TUNAR: variants seen among roughly 807,000 people sequenced by gnomAD.
The protein encoded by TUNAR is protein TUNAR.
chr14:95,881,935 C>T (rs944045852), intron 2 of TUNAR, among the ~76,000 whole-genome samples: 3 of 152,246 alleles, frequency 2.0e-5, no homozygotes, highest in Admixed American at 6.5e-5. Flanking sequence ...CTGTCTCTGA[C>T]GCTGGCCTTG....
At chr14:95,888,722 G>A (rs1159900540) in intron 2 of TUNAR, among the ~76,000 whole-genome samples, 2 of 152,286 alleles carry the variant, frequency 1.3e-5, no homozygotes, top group South Asian at 4.2e-4. Flanking sequence ...ATCCTCTTTG[G>A]TGATCGAGCC....
chr14:95,883,078 TTGCAGTGTTC>T lies in TUNAR; in HGVS notation c.12+5902_12+5911del, dbSNP rs546038517. ...TACTTCTAAAACAGTACGTCCAGTT[TTGCAGTGTTC>T]AAGTCTAAAGGTAGACGTGAAAACC... On this transcript the variant is annotated intron_variant, in intron 2 of 2. Transcript: ENST00000678517. Among the ~76,000 whole-genome samples the T allele has an allele frequency of 1.1e-3, 168 of 152,368 alleles. 1 individual carries two copies. The highest frequency in any genetic ancestry group is 1.7e-3 in the Non-Finnish European group (115 of 68,032).
intron 2 of TUNAR, among the ~76,000 whole-genome samples, chr14:95,919,519 G>C (rs909731152): frequency 6.6e-6 from 1 of 151,636 alleles, no homozygotes; most frequent in African/African-American, 2.4e-5. Context: ...GACCAGCCTA[G>C]CAACATAGTG....
At chr14:95,877,976 C>T (rs1888918212) in intron 2 of TUNAR, among the ~76,000 whole-genome samples, 1 of 152,232 alleles carries the variant, frequency 6.6e-6, no homozygotes, top group Non-Finnish European at 1.5e-5. Context: ...CCTGTGTGCC[C>T]AGCACATGCT....
intron 2 of TUNAR, among the ~76,000 whole-genome samples, chr14:95,887,523 A>C (rs920951708): frequency 2.0e-5 from 3 of 152,244 alleles, no homozygotes; most frequent in Non-Finnish European, 4.4e-5. Context: ...ATCTGTAAGT[A>C]CAGTTCCTGC....
chr14:95,883,104 C>T (rs764920823), intron 2 of TUNAR, among the ~76,000 whole-genome samples: 6 of 152,284 alleles, frequency 3.9e-5, no homozygotes, highest in South Asian at 2.1e-4. Flanking sequence ...TAAAGGTAGA[C>T]GTGAAAACCA....
chr14:95,923,715 G>A (rs775665689), exon 3 of TUNAR: 7 of 152,062 alleles, frequency 4.6e-5, no homozygotes, highest in Non-Finnish European at 8.8e-5. Flanking sequence ...TTTACCTTGC[G>A]CTTTTGTTCT....
intron 2 of TUNAR, among the ~76,000 whole-genome samples, chr14:95,912,767 C>T (rs1335392395): frequency 1.3e-5 from 2 of 152,148 alleles, no homozygotes; most frequent in Non-Finnish European, 2.9e-5. Context: ...CCCCTTATCA[C>T]ATCGTGGGCA....
At chr14:95,886,093 C>T (rs1035048707) in intron 2 of TUNAR, among the ~76,000 whole-genome samples, 32 of 152,178 alleles carry the variant, frequency 2.1e-4, no homozygotes, top group African/African-American at 1.4e-4. Flanking sequence ...CCTGATTCAC[C>T]GAGCCATGGG....
At chr14:95,916,527 G>A (rs900189962) in intron 2 of TUNAR, among the ~76,000 whole-genome samples, 1 of 152,200 alleles carries the variant, frequency 6.6e-6, no homozygotes, top group Non-Finnish European at 1.5e-5. Flanking sequence ...GGCCACCGCT[G>A]ATGGCCATTG....
chr14:95,908,539 T>C (rs1273216550), intron 2 of TUNAR, among the ~76,000 whole-genome samples: 1 of 152,248 alleles, frequency 6.6e-6, no homozygotes, highest in East Asian at 1.9e-4. Context: ...TTTTGTCCTC[T>C]AACAACATCA....
intron 2 of TUNAR, among the ~76,000 whole-genome samples, chr14:95,897,324 C>G (rs1401395296): frequency 2.0e-5 from 3 of 152,212 alleles, no homozygotes. Flanking sequence ...TCAGTTTCAT[C>G]TGTGCTTGTT....
At chr14:95,901,428 C>T (rs2139662757) in intron 2 of TUNAR, among the ~76,000 whole-genome samples, 1 of 152,326 alleles carries the variant, frequency 6.6e-6, no homozygotes, top group South Asian at 2.1e-4. Flanking sequence ...TTGTGAGCCT[C>T]TCCTGGGTGC....
rs1380150570 is a variant in TUNAR at position 95,895,006 on chromosome 14, G to A, written c.12+17829G>A. Among the ~76,000 whole-genome samples the A allele has an allele frequency of 6.6e-6, 1 of 152,222 alleles. No homozygotes were observed. The highest frequency in any genetic ancestry group is 2.4e-5 in the African/African-American group (1 of 41,458). On this transcript the variant is annotated intron_variant, in intron 2 of 2. Transcript: ENST00000678517. This position sits in a 1 kb window ranked among gnomAD's most constrained non-coding sequence, Gnocchi z 4.5. Reference sequence around the variant, plus strand: ...GGCACCACCTCTCTCCTGACGATAGGTTGGAGCTGAGGGCACAGAAATGGC... The same window carrying A: ...GGCACCACCTCTCTCCTGACGATAGATTGGAGCTGAGGGCACAGAAATGGC...
chr14:95,894,983 C>A (rs1485179432), intron 2 of TUNAR, among the ~76,000 whole-genome samples: 3 of 152,216 alleles, frequency 2.0e-5, no homozygotes, highest in Non-Finnish European at 4.4e-5. Context: ...TCCTGCTGGG[C>A]ACCACCTCTC....
intron 2 of TUNAR, among the ~76,000 whole-genome samples, chr14:95,892,976 G>A (rs535103320): frequency 6.6e-6 from 1 of 152,212 alleles, no homozygotes; most frequent in Non-Finnish European, 1.5e-5. Context: ...AAAGGTGGTA[G>A]ATTTGGGCAA....
At chr14:95,890,790 A>T (rs562713375) in intron 2 of TUNAR, among the ~76,000 whole-genome samples, 3 of 152,352 alleles carry the variant, frequency 2.0e-5, no homozygotes, top group Admixed American at 2.0e-4. Context: ...TAGAATCGTG[A>T]AAGTATTTTA....
At chr14:95,899,328 C>G (rs1288065947) in intron 2 of TUNAR, among the ~76,000 whole-genome samples, 1 of 152,092 alleles carries the variant, frequency 6.6e-6, no homozygotes, top group Admixed American at 6.6e-5. Flanking sequence ...ATCCCACAGC[C>G]CCCCACAAAA....
intron 2 of TUNAR, among the ~76,000 whole-genome samples, chr14:95,915,603 C>T (rs1306224726): frequency 6.6e-6 from 1 of 152,220 alleles, no homozygotes; most frequent in Non-Finnish European, 1.5e-5. Flanking sequence ...GCCCAGTGAG[C>T]CATGACCTCC....
Sources: gnomAD v4.1 joint callset for allele counts (sites outside exome capture counted in the v4.1 genomes callset) on GRCh38, gnomAD v4.1.1 for gene constraint, Gnocchi (gnomAD v3.1) non-coding constraint, MANE v1.5 for transcripts, NCBI Gene and HGNC (gene_info 2026-07-23, HGNC 2026-07-21) for gene names.